NUP88: variants seen among roughly 807,000 people sequenced by gnomAD.
The protein encoded by NUP88 is nucleoporin 88.
A neutral mutation model predicts 93.9 loss-of-function variants in NUP88; 57 were observed. That is an observed-to-expected ratio of 0.61 (90% CI 0.49 to 0.76). The LOEUF (loss-of-function observed/expected upper bound fraction) is 0.76, where lower values mean the gene tolerates loss of function less well. Ranked by LOEUF, NUP88 falls within the 30% of genes least tolerant of loss-of-function variation. NUP88 has a pLI of 0.00. For synonymous variants in NUP88, 346 were observed against 336.8 expected, an observed-to-expected ratio of 1.03 and a Z score of -0.30; for missense variants, 911 against 901.0, an observed-to-expected ratio of 1.01 and a Z score of -0.14.
chr17:5,416,172 T>C (rs1206889765), intron 2 of NUP88, among the ~76,000 whole-genome samples: 4 of 85,532 alleles, frequency 4.7e-5, no homozygotes, highest in Non-Finnish European at 8.5e-5. Context: ...AAAAAGTATA[T>C]ATATATATAC....
Position 5,410,727 on chromosome 17 carries a change from T to C in NUP88, c.656A>G (p.Glu219Gly). The C allele has an allele frequency of 6.2e-7, 1 of 1,610,936 alleles. No individual in the cohort carries two copies. Among genetic ancestry groups the C allele is most frequent in the Admixed American group, 1.7e-5 (1 of 59,874 alleles). ...TNVIILSEAE[E>G]ESLVLNKGRA... Reference sequence around the variant, plus strand: ...CCCTTTATTGAGTACTAGACTTTCCTCTTCGGCTTCTGAAAGTATTATCAC... The same window carrying C: ...CCCTTTATTGAGTACTAGACTTTCCCCTTCGGCTTCTGAAAGTATTATCAC... Residue 219 changes from glutamate to glycine, a missense_variant, in exon 4 of 17, where the codon GAG becomes GGG. Glu to Gly is a moderately conservative substitution (Grantham distance 98). Transcript: ENST00000573584.
chr17:5,389,983 T>C (rs1216508348), intron 10 of NUP88, among the ~76,000 whole-genome samples: 1 of 151,712 alleles, frequency 6.6e-6, no homozygotes, highest in East Asian at 1.9e-4. Context: ...CTGGCCAACA[T>C]GGCAAAACCT....
intron 8 of NUP88, among the ~76,000 whole-genome samples, chr17:5,397,535 G>A (rs1912853296): frequency 6.6e-6 from 1 of 152,106 alleles, no homozygotes; most frequent in Non-Finnish European, 1.5e-5. Context: ...AGCTGAAAAA[G>A]GGTAGGAAAT....
intron 8 of NUP88, among the ~76,000 whole-genome samples, chr17:5,396,289 A>C (rs1204399281): frequency 1.3e-5 from 2 of 152,208 alleles, no homozygotes; most frequent in Admixed American, 1.3e-4. Flanking sequence ...AACCATTAGC[A>C]ATCACTCCTC....
Position 5,387,893 on chromosome 17 carries a change from T to A in NUP88, c.1655A>T (p.Lys552Met), listed in dbSNP as rs775432732. The A allele has an allele frequency of 4.5e-5, 72 of 1,612,240 alleles. No homozygotes were observed. Among genetic ancestry groups the A allele is most frequent in the Non-Finnish European group, 6.1e-5 (72 of 1,179,166 alleles). Residue 552 changes from lysine to methionine, a missense_variant, in exon 12 of 17, where the codon AAG becomes ATG. Physicochemically the swap from Lys to Met is moderately conservative, Grantham distance 95 (BLOSUM62 -1). Coordinates refer to ENST00000573584, the MANE Select transcript of NUP88 (RefSeq NM_002532.6). ...TTCTTCAGGAGGAGGGGCTATGTCC[T>A]TTTCAGAAGCTCTTAAAAACAAAGT... Reference protein sequence around the residue: ...ANPAFLKASEKDIAPPPEECL... With the variant: ...ANPAFLKASEMDIAPPPEECL...
intron 1 of NUP88, chr17:5,418,132 G>T (rs1433710874): frequency 7.9e-6 from 1 of 127,124 alleles, no homozygotes; most frequent in Non-Finnish European, 1.6e-5. Flanking sequence ...CAACAAGAGC[G>T]AAACTCCATC....
At chr17:5,394,178 C>A (rs1248298341) in intron 9 of NUP88, among the ~76,000 whole-genome samples, 2 of 152,066 alleles carry the variant, frequency 1.3e-5, no homozygotes. Flanking sequence ...ACTGTCAGCA[C>A]TGAAGCCATG....
chr17:5,413,139 A>G (rs56344067), intron 3 of NUP88, among the ~76,000 whole-genome samples: 66,417 of 152,050 alleles, frequency 0.44, 15,267 homozygotes, highest in East Asian at 0.84. Context: ...CATTATGCCC[A>G]GCTAATTTTT....
intron 5 of NUP88, among the ~76,000 whole-genome samples, chr17:5,406,111 T>G (rs1431068007): frequency 6.6e-6 from 1 of 152,168 alleles, no homozygotes; most frequent in African/African-American, 2.4e-5. Context: ...GGCAGACATT[T>G]AACCAGAATT....
At chr17:5,394,393 G>A (rs1912637848) in intron 9 of NUP88, among the ~76,000 whole-genome samples, 1 of 152,146 alleles carries the variant, frequency 6.6e-6, no homozygotes, top group South Asian at 2.1e-4. Context: ...TTTCAAAGAG[G>A]AGACATGGGC....
intron 2 of NUP88, 50 bp downstream of exon 2, chr17:5,416,463 A>C (rs1914157141): frequency 2.2e-6 from 3 of 1,354,384 alleles, no homozygotes; most frequent in Non-Finnish European, 2.0e-6. Flanking sequence ...AGTCTTGAAC[A>C]ATTTTCTGTA....
intron 11 of NUP88, 195 bp from the exon 12 acceptor site, chr17:5,388,099 C>T (rs1342278257): frequency 4.7e-6 from 2 of 425,374 alleles, no homozygotes; most frequent in Non-Finnish European, 8.3e-6. Context: ...CTCCCAGGTT[C>T]GAGCAATTCT....
At chr17:5,399,910 G>C (rs1009212295) in intron 7 of NUP88, among the ~76,000 whole-genome samples, 2 of 152,056 alleles carry the variant, frequency 1.3e-5, no homozygotes, top group African/African-American at 4.8e-5. Context: ...CAGAAATAAA[G>C]TGAGTCACAC....
chr17:5,399,249 G>A (rs1432255358), intron 8 of NUP88, among the ~76,000 whole-genome samples: 2 of 70,394 alleles, frequency 2.8e-5, no homozygotes, highest in Admixed American at 4.0e-4. Flanking sequence ...GTCAGTTTTG[G>A]TAGTTTTTTT....
intron 2 of NUP88, among the ~76,000 whole-genome samples, chr17:5,416,157 A>AGTAT (rs1376858837): frequency 1.6e-5 from 2 of 125,396 alleles, no homozygotes; most frequent in Non-Finnish European, 3.4e-5. Flanking sequence ...AAAAAAAAAA[A>AGTAT]AAAAAAAAAG....
chr17:5,415,105 C>T (rs1018839986), intron 2 of NUP88, among the ~76,000 whole-genome samples: 8 of 151,900 alleles, frequency 5.3e-5, no homozygotes, highest in African/African-American at 1.7e-4. Flanking sequence ...CTGCAACCTC[C>T]GCCTCCTGGA....
chr17:5,410,314 TATTC>T (rs1364860976), intron 4 of NUP88, among the ~76,000 whole-genome samples: 2 of 152,252 alleles, frequency 1.3e-5, no homozygotes, highest in African/African-American at 2.4e-5. Context: ...TTACTGTAGT[TATTC>T]AGGAAGATTC....
intron 4 of NUP88, among the ~76,000 whole-genome samples, chr17:5,409,399 C>G (rs1209136374): frequency 6.8e-6 from 1 of 147,306 alleles, no homozygotes; most frequent in African/African-American, 2.5e-5. Context: ...AAAAAAAATT[C>G]TCATGAAATT....
intron 10 of NUP88, among the ~76,000 whole-genome samples, chr17:5,390,779 C>T (rs989820359): frequency 6.6e-6 from 1 of 152,034 alleles, no homozygotes; most frequent in African/African-American, 2.4e-5. Flanking sequence ...TCATGGTTCA[C>T]TGCAGCCTAA....
Sources: gnomAD v4.1 joint callset for allele counts (sites outside exome capture counted in the v4.1 genomes callset) on GRCh38, gnomAD v4.1.1 for gene constraint, MANE v1.5 for transcripts, NCBI Gene and HGNC (gene_info 2026-07-23, HGNC 2026-07-21) for gene names.